The following ADAMTS8 variants were observed in gnomAD, a reference collection of about 807,000 sequenced individuals.
ADAMTS8 encodes the protein ADAM metallopeptidase with thrombospondin type 1 motif 8.
ADAMTS8 carries 50 observed loss-of-function variants against 64.4 expected under a neutral mutation model. That is an observed-to-expected ratio of 0.78 (90% CI 0.62 to 0.98). ADAMTS8 has a LOEUF of 0.98. ADAMTS8 is among the 50% of genes least tolerant of loss of function. The pLI is 0.00. For synonymous variants in ADAMTS8, 556 were observed against 533.6 expected, an observed-to-expected ratio of 1.04 and a Z score of -0.58; for missense variants, 1,192 against 1,208.2, an observed-to-expected ratio of 0.99 and a Z score of 0.20.
In ADAMTS8 at chr11:130,405,620, A is replaced by T. The variant is rs1274905576; in HGVS notation, c.2608T>A (p.Cys870Ser). 6.2e-7 allele frequency: 1 copy of T among 1,612,918 alleles called. No individual in the cohort carries two copies. The highest frequency in any genetic ancestry group is 8.5e-7 in the Non-Finnish European group (1 of 1,179,136). The change falls in exon 9 of 9, where the codon TGC becomes AGC. Residue 870 changes from cysteine to serine, a missense_variant. Transcript: ENST00000257359. Reference protein sequence around the residue: ...RDPSGQASATCNKALKPEDAK... With the variant: ...RDPSGQASATSNKALKPEDAK... Reference sequence around the variant, plus strand: ...TCCTCGGGTTTCAGAGCCTTGTTGCAGGTGGCAGAGGCCTGGCCGGAGGGG... The same window carrying T: ...TCCTCGGGTTTCAGAGCCTTGTTGCTGGTGGCAGAGGCCTGGCCGGAGGGG...
At chr11:130,425,590 GTTTTTC>G (rs1862153420) in intron 1 of ADAMTS8, among the ~76,000 whole-genome samples, 1 of 148,172 alleles carries the variant, frequency 6.7e-6, no homozygotes. Flanking sequence ...CTTTTTTTGT[GTTTTTC>G]TTTTTTCTTT....
chr11:130,406,615 T>A (rs1014052188), intron 8 of ADAMTS8, among the ~76,000 whole-genome samples: 2 of 150,226 alleles, frequency 1.3e-5, no homozygotes, highest in African/African-American at 4.9e-5. Context: ...TCACACCACC[T>A]CTCTGAGTCA....
In ADAMTS8 at chr11:130,407,484, GAC is replaced by G. The variant is rs200542106; in HGVS notation, c.2099+978_2099+979del. The stretch of plus-strand genomic sequence containing the variant: ...GTAGAGACAGACAGACAGACAGACA[GAC>G]ACACACACACACACAGAATGGGGCA... On this transcript the variant is annotated intron_variant, in intron 8 of 8. Transcript: ENST00000257359. 2.9e-3 allele frequency among the ~76,000 whole-genome samples: 431 copies of G among 151,122 alleles called. 3 individuals carry two copies. Among genetic ancestry groups the G allele is most frequent in the African/African-American group, 9.9e-3 (407 of 41,226 alleles).
intron 6 of ADAMTS8, among the ~76,000 whole-genome samples, chr11:130,410,674 A>T (rs1305116259): frequency 1.3e-5 from 2 of 152,194 alleles, no homozygotes; most frequent in Non-Finnish European, 2.9e-5. Flanking sequence ...CTGGAGCTGC[A>T]CACTGGGCAG....
At chr11:130,419,512 G>GACCTGCCT (rs1306490405) in intron 1 of ADAMTS8, among the ~76,000 whole-genome samples, 4 of 152,232 alleles carry the variant, frequency 2.6e-5, no homozygotes, top group Non-Finnish European at 5.9e-5. Context: ...TGCATGAACA[G>GACCTGCCT]TGGTCTTTGA....
intron 1 of ADAMTS8, among the ~76,000 whole-genome samples, chr11:130,421,552 CA>C (rs774072511): frequency 6.6e-6 from 1 of 152,178 alleles, no homozygotes; most frequent in Non-Finnish European, 1.5e-5. Context: ...TTCTGTGGTC[CA>C]GTGTTCCCTT....
At chr11:130,409,733 C>T (rs751624031) in intron 6 of ADAMTS8, among the ~76,000 whole-genome samples, 2 of 152,236 alleles carry the variant, frequency 1.3e-5, no homozygotes, top group African/African-American at 2.4e-5. Flanking sequence ...GTGCTGCTGC[C>T]AGACCAACCC....
chr11:130,419,277 A>G lies in ADAMTS8; in HGVS notation c.736T>C (p.Leu246=), dbSNP rs1565378934. The G allele has an allele frequency of 3.1e-6, 5 of 1,613,916 alleles. No homozygotes were observed. Among genetic ancestry groups the G allele is most frequent in the Non-Finnish European group, 4.2e-6 (5 of 1,180,026 alleles). The change falls in exon 2 of 9, where the codon TTA becomes CTA. Residue 246 remains leucine, a synonymous_variant. Transcript: ENST00000257359. The part of the protein sequence containing the change: ...GADLQNHILT[L]MSVAARIYKH... ...TAGATTCGGGCTGCCACAGACATTA[A>G]CGTCAGGATGTGGTTCTGTCAGGAA...
intron 1 of ADAMTS8, among the ~76,000 whole-genome samples, chr11:130,423,782 C>T (rs1746345769): frequency 6.6e-6 from 1 of 152,230 alleles, no homozygotes; most frequent in Admixed American, 6.5e-5. Flanking sequence ...TGCTGCCCCT[C>T]ACTCCATCTC....
At position 130,408,492 on chromosome 11, in the gene ADAMTS8, T is replaced by A. The variant is rs771991807; in HGVS notation, c.2071A>T (p.Lys691Ter). 3 of 1,613,940 alleles carry A rather than the reference T, an allele frequency of 1.9e-6. No homozygotes were observed. The Admixed American group carries it at 5.0e-5, about 27-fold the overall frequency. ...GTGGGGGTGAGGGACCCGGAGACCT[T>A]CCTGCAGGAGTTGCCTTTGCCCCCA... is the stretch of plus-strand genomic sequence containing the variant. ...VCGGKGNSCR[K>*]VSGSLTPTNY... Residue 691 changes from lysine to a stop codon, truncating the protein, a stop_gained, in exon 8 of 9, where the codon AAG becomes TAG. Transcript: ENST00000257359. LOFTEE classifies it low-confidence loss of function (END_TRUNC).
chr11:130,417,135 C>A (rs1862037538), intron 2 of ADAMTS8, 60 bp from the exon 3 acceptor site: 1 of 1,600,212 alleles, frequency 6.2e-7, no homozygotes, highest in South Asian at 1.1e-5. Flanking sequence ...GCGCTGCAGG[C>A]CTGCAGGGCC....
At chr11:130,409,794 G>A (rs966207768) in intron 6 of ADAMTS8, among the ~76,000 whole-genome samples, 3 of 152,182 alleles carry the variant, frequency 2.0e-5, no homozygotes, top group Non-Finnish European at 2.9e-5. Flanking sequence ...TAAAATTAAA[G>A]CTGTTCTTCC....
Position 130,411,625 on chromosome 11 carries a change from A to T in ADAMTS8, c.1567-25T>A, listed in dbSNP as rs1861954576. On this transcript the variant is annotated intron_variant, in intron 5 of 8. Transcript: ENST00000257359. The surrounding 1 kb of genome is among the most constrained non-coding windows in gnomAD (Gnocchi z 4.2). ...GCTGCAACATACAATGGCACACTGA[A>T]TGAGGAGCAAAGGCCAGGAGGCTTC... is the stretch of plus-strand genomic sequence containing the variant. 3 of 1,612,476 alleles carry T rather than the reference A, an allele frequency of 1.9e-6. No homozygotes were observed. The East Asian group carries it at 6.7e-5, about 36-fold the overall frequency.
intron 2 of ADAMTS8, 106 bp downstream of exon 2, chr11:130,418,947 C>T: frequency 6.5e-7 from 1 of 1,548,160 alleles, no homozygotes; most frequent in Non-Finnish European, 8.7e-7. Flanking sequence ...CCAGCTGGGG[C>T]CAGCAGGGAG....
intron 4 of ADAMTS8, 67 bp from the exon 5 acceptor site, chr11:130,414,899 CCTGTGATGGATGGCA>C (rs1307214738): frequency 1.4e-6 from 2 of 1,451,876 alleles, no homozygotes; most frequent in African/African-American, 1.4e-5. Flanking sequence ...CTCTTCATGG[CCTGTGATGGATGGCA>C]CTGAAGGTCT....
chr11:130,427,476 T>TAA, intron 1 of ADAMTS8, 91 bp downstream of exon 1: 20 of 537,632 alleles, frequency 3.7e-5, no homozygotes, highest in Non-Finnish European at 4.2e-5. Flanking sequence ...TTTTTTTTTC[T>TAA]CAGAGGGATT....
chr11:130,424,659 G>A (rs543881260), intron 1 of ADAMTS8, among the ~76,000 whole-genome samples: 1 of 152,330 alleles, frequency 6.6e-6, no homozygotes, highest in African/African-American at 2.4e-5. Context: ...GGGCAGCCAA[G>A]GTCTTGAGGC....
At chr11:130,412,909 C>T (rs1861970860) in intron 5 of ADAMTS8, among the ~76,000 whole-genome samples, 1 of 152,104 alleles carries the variant, frequency 6.6e-6, no homozygotes, top group African/African-American at 2.4e-5. Context: ...CTTGCTCTGT[C>T]GCCCAGGCCA....
At position 130,419,226 on chromosome 11, in the gene ADAMTS8, TG is replaced by T. The variant is rs1420587949; in HGVS notation, c.786del (p.Ile263SerfsTer3). On this transcript the variant is annotated frameshift_variant, in exon 2 of 9. Coordinates refer to ENST00000257359, the MANE Select transcript of ADAMTS8 (RefSeq NM_007037.6). LOFTEE classifies it high-confidence loss of function. ...AGCACTTTTACCACCATCAGGTTGATGGAATTCTTGATGCTGGGGTGCTTGT... is the reference window on the plus strand; with the variant it reads ...AGCACTTTTACCACCATCAGGTTGATGAATTCTTGATGCTGGGGTGCTTGT... ...RIYKHPSIKN[S>X]INLMVVKVLI... 1 of 1,614,012 alleles carries T rather than the reference TG, an allele frequency of 6.2e-7. No individual in the cohort carries two copies. The highest frequency in any genetic ancestry group is 8.5e-7 in the Non-Finnish European group (1 of 1,180,048).
Sources: allele counts gnomAD v4.1 joint callset (sites outside exome capture counted in the v4.1 genomes callset), GRCh38; gene constraint gnomAD v4.1.1; non-coding constraint Gnocchi (gnomAD v3.1); transcripts MANE v1.5; gene names NCBI Gene and HGNC (gene_info 2026-07-23, HGNC 2026-07-21).